The following BAIAP2L1 variants were observed in gnomAD, a reference collection of about 807,000 sequenced individuals.
BAIAP2L1 encodes BAR/IMD domain-containing adapter protein 2-like 1.
BAIAP2L1 carries 35 observed loss-of-function variants against 66.3 expected under a neutral mutation model. The ratio of observed to expected loss-of-function variants is 0.53; its 90% CI spans 0.40 to 0.70. The LOEUF is 0.70. BAIAP2L1 is among the 30% of genes least tolerant of loss of function. BAIAP2L1 has a pLI of 0.00. For synonymous variants in BAIAP2L1, 269 were observed against 248.7 expected, an observed-to-expected ratio of 1.08 and a Z score of -0.77; for missense variants, 622 against 656.9, an observed-to-expected ratio of 0.95 and a Z score of 0.58.
chr7:98,387,008 C>T (rs1802910622), intron 1 of BAIAP2L1, among the ~76,000 whole-genome samples: 1 of 152,048 alleles, frequency 6.6e-6, no homozygotes, highest in African/African-American at 2.4e-5. Flanking sequence ...CTTCCAAAGA[C>T]TTCCTTAAAG....
chr7:98,366,215 CCT>C lies in BAIAP2L1; in HGVS notation c.52-3785_52-3784del, dbSNP rs551800043. On this transcript the variant is annotated intron_variant, in intron 1 of 13. Coordinates refer to ENST00000005260, the MANE Select transcript of BAIAP2L1 (RefSeq NM_018842.5). The stretch of plus-strand genomic sequence containing the variant: ...AGTTTGGAGCTGATTTTCAGGAACT[CCT>C]CTGTTTTCAGCTCAGAGTTCTGCCT... Among the ~76,000 whole-genome samples the C allele has an allele frequency of 4.1e-3, 624 of 151,724 alleles. 1 individual carries two copies. Among genetic ancestry groups the C allele is most frequent in the Non-Finnish European group, 6.4e-3 (438 of 68,020 alleles).
chr7:98,364,356 T>C (rs1380790973), intron 1 of BAIAP2L1, among the ~76,000 whole-genome samples: 1 of 151,924 alleles, frequency 6.6e-6, no homozygotes, highest in African/African-American at 2.4e-5. Context: ...CAGTGTTATT[T>C]TTCAAATGTA....
chr7:98,352,163 G>T (rs1163114587), intron 3 of BAIAP2L1, among the ~76,000 whole-genome samples: 1 of 151,366 alleles, frequency 6.6e-6, no homozygotes, highest in African/African-American at 2.4e-5. Flanking sequence ...AGTCTGAACT[G>T]TATCAATAAA....
intron 12 of BAIAP2L1, among the ~76,000 whole-genome samples, chr7:98,295,890 AAG>A (rs1800168642): frequency 6.6e-6 from 1 of 152,126 alleles, no homozygotes; most frequent in African/African-American, 2.4e-5. Context: ...GAGGAGGAAA[AAG>A]AACGCTTAAG....
At chr7:98,307,613 GAC>G in intron 10 of BAIAP2L1, 74 bp downstream of exon 10, 2 of 1,583,502 alleles carry the variant, frequency 1.3e-6, no homozygotes, top group South Asian at 1.1e-5. Context: ...TGTCCACGAA[GAC>G]AGTTTGCAGC....
Position 98,293,434 on chromosome 7 carries a change from C to T in BAIAP2L1, c.*87G>A. 7.8e-7 allele frequency: 1 copy of T among 1,289,426 alleles called. No homozygotes were observed. Among genetic ancestry groups the T allele is most frequent in the East Asian group, 2.3e-5 (1 of 43,166 alleles). 79.9% of individuals were successfully genotyped at this position (1,289,426 alleles called of 1,614,324 possible). On this transcript the variant is annotated 3_prime_UTR_variant, in exon 14 of 14. Coordinates refer to ENST00000005260, the MANE Select transcript of BAIAP2L1 (RefSeq NM_018842.5). ...AGTTAGGCCTCTCCACTGAAGCTTC[C>T]CGACCGTCAGCACGTGGCAGACAGG...
chr7:98,374,096 C>G (rs551446845), intron 1 of BAIAP2L1, among the ~76,000 whole-genome samples: 2 of 152,084 alleles, frequency 1.3e-5, no homozygotes, highest in African/African-American at 4.8e-5. Flanking sequence ...GGACTACAGA[C>G]GCAAACCATA....
At chr7:98,302,888 T>G (rs757670) in intron 12 of BAIAP2L1, among the ~76,000 whole-genome samples, 134,738 of 152,166 alleles carry the variant, frequency 0.89, 59,934 homozygotes, top group East Asian at 0.96. Flanking sequence ...GGGTTCAGGC[T>G]ATCCTCCCAC....
At chr7:98,366,716 A>ACGCAGTCAGGTGCTTGGCACCTACG (rs1417181953) in intron 1 of BAIAP2L1, among the ~76,000 whole-genome samples, 1 of 152,138 alleles carries the variant, frequency 6.6e-6, no homozygotes, top group Non-Finnish European at 1.5e-5. Context: ...GTATCACTAG[A>ACGCAGTCAGGTGCTTGGCACCTACG]CGCAGTCAGG....
chr7:98,354,013 A>T (rs1802066230), intron 3 of BAIAP2L1, among the ~76,000 whole-genome samples: 1 of 149,934 alleles, frequency 6.7e-6, no homozygotes, highest in Middle Eastern at 3.4e-3. Flanking sequence ...ATAAAAAATT[A>T]AAAAATACAT....
chr7:98,343,428 G>A (rs1584471644), intron 3 of BAIAP2L1, among the ~76,000 whole-genome samples: 1 of 151,942 alleles, frequency 6.6e-6, no homozygotes, highest in African/African-American at 2.4e-5. Flanking sequence ...TCCAGCCTGG[G>A]CAACAGAGCC....
chr7:98,300,140 T>G lies in BAIAP2L1; in HGVS notation c.1422+4056A>C, dbSNP rs544577807. Among the ~76,000 whole-genome samples, 37 of 152,386 alleles carry G rather than the reference T, an allele frequency of 2.4e-4. 1 individual carries two copies. The East Asian group carries it at 7.1e-3, about 29-fold the overall frequency. ...TCTGCTGCCCTGTGTGCCCTGTGGC[T>G]GCTGGACTGGGCAGGGAACATTTCC... On this transcript the variant is annotated intron_variant, in intron 12 of 13. Transcript: ENST00000005260.
intron 1 of BAIAP2L1, among the ~76,000 whole-genome samples, chr7:98,393,156 T>C (rs1336742019): frequency 8.0e-6 from 1 of 125,662 alleles, no homozygotes; most frequent in Non-Finnish European, 1.7e-5. Flanking sequence ...CATATATATG[T>C]ACACATATAT....
intron 3 of BAIAP2L1, among the ~76,000 whole-genome samples, chr7:98,328,272 C>T (rs555997148): frequency 1.3e-5 from 2 of 152,256 alleles, no homozygotes; most frequent in South Asian, 4.1e-4. Context: ...GACGCAGCTT[C>T]AGAAGGCAGA....
intron 3 of BAIAP2L1, among the ~76,000 whole-genome samples, chr7:98,353,851 A>G (rs921418061): frequency 7.3e-5 from 11 of 150,380 alleles, no homozygotes; most frequent in African/African-American, 2.4e-4. Flanking sequence ...AGTCTCAGCT[A>G]CTTAGGAGGC....
chr7:98,366,721 G>A (rs1269312843), intron 1 of BAIAP2L1, among the ~76,000 whole-genome samples: 1 of 152,196 alleles, frequency 6.6e-6, no homozygotes, highest in East Asian at 1.9e-4. Flanking sequence ...ACTAGACGCA[G>A]TCAGGTGCTT....
At chr7:98,295,276 T>C (rs1800143808) in intron 12 of BAIAP2L1, among the ~76,000 whole-genome samples, 1 of 152,180 alleles carries the variant, frequency 6.6e-6, no homozygotes, top group South Asian at 2.1e-4. Context: ...GCCCCAGGGC[T>C]GTGCCTGAGA....
chr7:98,306,534 G>A lies in BAIAP2L1; in HGVS notation c.1164-18C>T. The stretch of plus-strand genomic sequence containing the variant: ...AACCCCTCCTACCGGCAAAGAGGGA[G>A]AAAAGACCCTATCAGCAGTAGACAT... On this transcript the variant is annotated intron_variant, in intron 10 of 13. Coordinates refer to ENST00000005260, the MANE Select transcript of BAIAP2L1 (RefSeq NM_018842.5). 6.2e-7 allele frequency: 1 copy of A among 1,614,132 alleles called. No individual in the cohort carries two copies. Among genetic ancestry groups the A allele is most frequent in the Non-Finnish European group, 8.5e-7 (1 of 1,180,026 alleles).
chr7:98,371,327 T>C (rs1222538788), intron 1 of BAIAP2L1, among the ~76,000 whole-genome samples: 1 of 152,176 alleles, frequency 6.6e-6, no homozygotes, highest in Non-Finnish European at 1.5e-5. Context: ...GCATGCATAG[T>C]TATGGTTGCA....
Sources: allele counts gnomAD v4.1 joint callset (sites outside exome capture counted in the v4.1 genomes callset), GRCh38; gene constraint gnomAD v4.1.1; transcripts MANE v1.5; gene names NCBI Gene and HGNC (gene_info 2026-07-23, HGNC 2026-07-21).